Variants in HELZ observed in about 807,000 individuals in gnomAD.
HELZ encodes ATP-dependent RNA helicase with zinc finger domain.
A neutral mutation model predicts 218.2 loss-of-function variants in HELZ; 23 were observed. The observed-to-expected ratio is 0.11, with a 90% CI of 0.08 to 0.15. The LOEUF is 0.15. HELZ is among the 10% of genes least tolerant of loss of function. HELZ has a pLI of 1.00. For synonymous variants in HELZ, 814 were observed against 829.4 expected (o/e 0.98, Z 0.32); for missense variants, 1,813 against 2,353.7 (o/e 0.77, Z 4.75).
At chr17:67,199,732 C>T (rs1170677702) in intron 7 of HELZ, among the ~76,000 whole-genome samples, 1 of 152,198 alleles carries the variant, frequency 6.6e-6, no homozygotes, top group African/African-American at 2.4e-5. Context: ...TGACCACCTT[C>T]TTTGCTGTTT....
At chr17:67,095,468 G>A (rs1447198289) in intron 31 of HELZ, among the ~76,000 whole-genome samples, 1 of 152,088 alleles carries the variant, frequency 6.6e-6, no homozygotes, top group Admixed American at 6.6e-5. Flanking sequence ...GGATTGCCAG[G>A]GTCCAGGAGG....
Position 67,145,312 on chromosome 17 carries a change from C to T in HELZ, c.2769+431G>A, listed in dbSNP as rs566316707. Among the ~76,000 whole-genome samples the T allele has an allele frequency of 7.9e-5, 12 of 152,318 alleles. No individual in the cohort carries two copies. The South Asian group carries it at 8.3e-4, about 11-fold the overall frequency. ...CAAGAGAATTATATAAGTTGGAGCACATCATGGAATTGCAACATCGCTGTC... is the reference window on the plus strand; with the variant it reads ...CAAGAGAATTATATAAGTTGGAGCATATCATGGAATTGCAACATCGCTGTC... On this transcript the variant is annotated intron_variant, in intron 21 of 32. Coordinates refer to ENST00000358691, the MANE Select transcript of HELZ (RefSeq NM_014877.4).
At chr17:67,223,128 C>T (rs1240528204) in intron 3 of HELZ, among the ~76,000 whole-genome samples, 1 of 150,322 alleles carries the variant, frequency 6.7e-6, no homozygotes, top group South Asian at 2.1e-4. Context: ...GGCATGGTTG[C>T]GGGCGCCTGT....
intron 12 of HELZ, among the ~76,000 whole-genome samples, chr17:67,184,997 T>C (rs2039716803): frequency 6.6e-6 from 1 of 152,170 alleles, no homozygotes. Flanking sequence ...CCAATTGCAT[T>C]TGGCCAACTT....
rs760680568 is a variant in HELZ, at chr17:67,108,456, C to T, written c.4724+36G>A. On this transcript the variant is annotated intron_variant, in intron 30 of 32. Transcript: ENST00000358691. This position sits in a 1 kb window ranked among gnomAD's most constrained non-coding sequence, Gnocchi z 4.1. ...TCAAAAAAGAGAACAGTGAGGGGGT[C>T]GCATTCCAGGGGCTATTTTCAGTCC... 1.3e-5 allele frequency: 19 copies of T among 1,474,320 alleles called. No individual in the cohort carries two copies. The highest frequency in any genetic ancestry group is 1.7e-5 in the Non-Finnish European group (18 of 1,055,352). 91.3% of individuals were successfully genotyped at this position (1,474,320 alleles called of 1,614,324 possible). A position where few individuals can be genotyped will look rare whatever the true frequency, so the allele number is the denominator to read the frequency against.
chr17:67,153,179 G>A lies in HELZ; in HGVS notation c.2178-1955C>T, dbSNP rs1025638656. Among the ~76,000 whole-genome samples the A allele has an allele frequency of 3.9e-5, 6 of 152,204 alleles. No homozygotes were observed. In the South Asian group the frequency reaches 1.0e-3, roughly 26 times the overall value. On this transcript the variant is annotated intron_variant, in intron 17 of 32. Coordinates refer to ENST00000358691, the MANE Select transcript of HELZ (RefSeq NM_014877.4). ...GCTGATGCAGGTCGGGTGAAGGTGA[G>A]TTTTTGTTTTGTTTTTTTAAACAAG...
In HELZ at chr17:67,210,169, A is replaced by C. The variant is rs530469025; in HGVS notation, c.247+5730T>G. 5.9e-5 allele frequency among the ~76,000 whole-genome samples: 9 copies of C among 152,318 alleles called. No homozygotes were observed. The South Asian group carries it at 1.9e-3, about 32-fold the overall frequency. On this transcript the variant is annotated intron_variant, in intron 5 of 32. Coordinates refer to ENST00000358691, the MANE Select transcript of HELZ (RefSeq NM_014877.4). ...AGCTCAGGATTTCAAGGCTGTAGTGAGCTATAATCACGCCACTCTACTTCC... is the reference window on the plus strand; with the variant it reads ...AGCTCAGGATTTCAAGGCTGTAGTGCGCTATAATCACGCCACTCTACTTCC...
chr17:67,100,970 C>A (rs1034344788), intron 31 of HELZ, among the ~76,000 whole-genome samples: 2 of 151,678 alleles, frequency 1.3e-5, no homozygotes, highest in African/African-American at 4.8e-5. Flanking sequence ...ATTAGCTGGG[C>A]GCAGTGGTGG....
At chr17:67,165,751 G>A (rs1021135315) in intron 15 of HELZ, among the ~76,000 whole-genome samples, 5 of 152,114 alleles carry the variant, frequency 3.3e-5, no homozygotes, top group African/African-American at 1.2e-4. Flanking sequence ...ATATTTATAC[G>A]ACCATTAACT....
intron 20 of HELZ, among the ~76,000 whole-genome samples, chr17:67,148,046 A>C (rs377089352): frequency 2.6e-4 from 40 of 152,332 alleles, no homozygotes; most frequent in African/African-American, 7.5e-4. Flanking sequence ...ACTCCAGCAA[A>C]TTAAGTGAAC....
intron 32 of HELZ, 21 bp from the exon 33 acceptor site, chr17:67,078,607 C>T (rs748553184): frequency 6.9e-7 from 1 of 1,449,158 alleles, no homozygotes; most frequent in Admixed American, 2.6e-5. Flanking sequence ...AGAACAGTGA[C>T]ACAGATTTAA....
intron 21 of HELZ, among the ~76,000 whole-genome samples, chr17:67,141,281 C>T (rs995133973): frequency 8.5e-5 from 13 of 152,098 alleles, no homozygotes; most frequent in Admixed American, 3.3e-4. Context: ...TATATAACAA[C>T]GTAATGTTTG....
At chr17:67,231,567 T>C (rs2041037007) in intron 3 of HELZ, among the ~76,000 whole-genome samples, 2 of 141,024 alleles carry the variant, frequency 1.4e-5, no homozygotes, top group African/African-American at 5.4e-5. Flanking sequence ...AACTCCACCC[T>C]GGGTGACAGA....
At chr17:67,234,292 CAAA>C (rs149931184) in intron 3 of HELZ, among the ~76,000 whole-genome samples, 2 of 83,192 alleles carry the variant, frequency 2.4e-5, no homozygotes, top group African/African-American at 3.8e-5. Context: ...CACTGTACTC[CAAA>C]AAAAAAAAAA....
At chr17:67,156,731 T>C (rs1443344462) in intron 17 of HELZ, among the ~76,000 whole-genome samples, 2 of 151,890 alleles carry the variant, frequency 1.3e-5, no homozygotes, top group African/African-American at 2.4e-5. Context: ...ACCAATACCC[T>C]AGTGACTCAC....
chr17:67,078,022 T>G lies in HELZ; in HGVS notation c.*230A>C, dbSNP rs2036068214. ...TGTAACAATACACAAATTTAAAAAT[T>G]TTTTTATTCTACATAAAAGCTGTCA... On this transcript the variant is annotated 3_prime_UTR_variant, in exon 33 of 33. Transcript: ENST00000358691. 2.8e-6 allele frequency: 1 copy of G among 353,744 alleles called. No homozygotes were observed. The highest frequency in any genetic ancestry group is 2.1e-5 in the African/African-American group (1 of 46,950). The allele number at this position is 353,744 out of a possible 1,614,324, so 21.9% of individuals were successfully genotyped here.
chr17:67,231,570 G>T (rs1200889253), intron 3 of HELZ, among the ~76,000 whole-genome samples: 2 of 149,142 alleles, frequency 1.3e-5, no homozygotes, highest in African/African-American at 5.0e-5. Flanking sequence ...TCCACCCTGG[G>T]TGACAGAGCC....
Position 67,244,682 on chromosome 17 carries a change from G to A in HELZ, c.-132+466C>T, listed in dbSNP as rs920620782. On this transcript the variant is annotated intron_variant, in intron 1 of 32. Transcript: ENST00000358691. Reference sequence around the variant, plus strand: ...CACTTTTCCCCACGCCCCCGCTCCAGCCCCCACCCCACCCGGTGGAAGTCC... The same window carrying A: ...CACTTTTCCCCACGCCCCCGCTCCAACCCCCACCCCACCCGGTGGAAGTCC... 4.1e-6 allele frequency: 4 copies of A among 982,292 alleles called. No homozygotes were observed. In the South Asian group the frequency reaches 1.9e-4, roughly 46 times the overall value. The allele number at this position is 982,292 out of a possible 1,614,324, so 60.8% of individuals were successfully genotyped here. A position where few individuals can be genotyped will look rare whatever the true frequency, so the allele number is the denominator to read the frequency against.
Position 67,099,761 on chromosome 17 carries a change from T to C in HELZ, c.5241+7408A>G, listed in dbSNP as rs114536690. On this transcript the variant is annotated intron_variant, in intron 31 of 32. Coordinates refer to ENST00000358691, the MANE Select transcript of HELZ (RefSeq NM_014877.4). ...AGATAACTGGGGAAAGGTCAGCAAC[T>C]TAATTAATAAGGGCTCTATTTATAA... 4.6e-3 allele frequency among the ~76,000 whole-genome samples: 697 copies of C among 152,338 alleles called. 6 individuals are homozygous for C. The highest frequency in any genetic ancestry group is 0.016 in the African/African-American group (662 of 41,574).
Sources: allele counts gnomAD v4.1 joint callset (sites outside exome capture counted in the v4.1 genomes callset), GRCh38; gene constraint gnomAD v4.1.1; non-coding constraint Gnocchi (gnomAD v3.1); transcripts MANE v1.5; gene names NCBI Gene and HGNC (gene_info 2026-07-23, HGNC 2026-07-21).